The following STAT4 variants were observed in gnomAD, a reference collection of about 807,000 sequenced individuals.
STAT4 encodes signal transducer and activator of transcription 4.
Under a neutral mutation model 110.5 loss-of-function variants are expected in STAT4, and 42 were observed. The ratio of observed to expected loss-of-function variants is 0.38; its 90% CI spans 0.30 to 0.49. The LOEUF (loss-of-function observed/expected upper bound fraction) is 0.49. Among genes scored for constraint, STAT4 ranks in the 20% least tolerant of loss-of-function variants. The pLI is 0.95. For missense variants in STAT4, 632 were observed against 887.9 expected, an observed-to-expected ratio of 0.71 and a Z score of 3.66; for synonymous variants, 284 against 302.2, an observed-to-expected ratio of 0.94 and a Z score of 0.63.
chr2:191,067,843 A>C (rs954453922), intron 6 of STAT4, among the ~76,000 whole-genome samples: 2 of 152,176 alleles, frequency 1.3e-5, no homozygotes, highest in Admixed American at 1.3e-4. Context: ...ATTCATGTTC[A>C]TGAAAAATGG....
intron 3 of STAT4, among the ~76,000 whole-genome samples, chr2:191,087,321 C>T (rs1697660830): frequency 6.6e-6 from 1 of 152,100 alleles, no homozygotes; most frequent in African/African-American, 2.4e-5. Flanking sequence ...TGCGTGAAAC[C>T]TGTTTTAAGT....
At position 191,081,276 on chromosome 2, in the gene STAT4, A is replaced by G. The variant is rs546819429; in HGVS notation, c.274-4951T>C. 9.2e-5 allele frequency among the ~76,000 whole-genome samples: 14 copies of G among 152,264 alleles called. No homozygotes were observed. In the South Asian group the frequency reaches 1.2e-3, roughly 14 times the overall value. On this transcript the variant is annotated intron_variant, in intron 3 of 23. Coordinates refer to ENST00000392320, the MANE Select transcript of STAT4 (RefSeq NM_003151.4). The stretch of plus-strand genomic sequence containing the variant: ...TCTGGGTTGGTTCCAAGTCTTTGCT[A>G]TTGTGAACAGTGCCAAAATAAACAT...
chr2:191,034,746 A>G, intron 17 of STAT4, 149 bp from the exon 18 acceptor site: 1 of 596,504 alleles, frequency 1.7e-6, no homozygotes, highest in South Asian at 2.0e-5. Flanking sequence ...GGTACAGTAC[A>G]AATACAAGAC....
In STAT4 at chr2:191,110,104, C is replaced by T. The variant is rs768107447; in HGVS notation, c.274-33779G>A. On this transcript the variant is annotated intron_variant, in intron 3 of 23. Coordinates refer to ENST00000392320, the MANE Select transcript of STAT4 (RefSeq NM_003151.4). This position sits in a 1 kb window ranked among gnomAD's most constrained non-coding sequence, Gnocchi z 4.5. ...ACAGGGCCCTGCATCAGATGCTGGC[C>T]GCACAGCAGCCTCAACCACTTGAGG... is the stretch of plus-strand genomic sequence containing the variant. Among the ~76,000 whole-genome samples, 7 of 152,146 alleles carry T rather than the reference C, an allele frequency of 4.6e-5. No individual in the cohort carries two copies. Among genetic ancestry groups the T allele is most frequent in the Admixed American group, 1.3e-4 (2 of 15,288 alleles).
rs1695879464 is a variant in STAT4, at chr2:191,031,098, G to A, written c.2112-18C>T. On this transcript the variant is annotated intron_variant, in intron 22 of 23. Transcript: ENST00000392320. This position sits in a 1 kb window ranked among gnomAD's most constrained non-coding sequence, Gnocchi z 4.8. The stretch of plus-strand genomic sequence containing the variant: ...CACTTCGGCTTAAAGAGATAACAAG[G>A]TCAATATGGACAAGGATTAAAAAAT... The A allele has an allele frequency of 2.5e-6, 4 of 1,609,120 alleles. No individual in the cohort carries two copies. Among genetic ancestry groups the A allele is most frequent in the Non-Finnish European group, 3.4e-6 (4 of 1,175,648 alleles).
chr2:191,089,372 A>G (rs1697731166), intron 3 of STAT4, among the ~76,000 whole-genome samples: 1 of 152,224 alleles, frequency 6.6e-6, no homozygotes, highest in South Asian at 2.1e-4. Flanking sequence ...CAATGCATCT[A>G]TCAGAACAAT....
chr2:191,076,041 A>G, intron 4 of STAT4, 186 bp downstream of exon 4: 2 of 505,858 alleles, frequency 4.0e-6, no homozygotes, highest in South Asian at 3.2e-5. Flanking sequence ...TTTTTTGGAG[A>G]CAGGGTCTTG....
rs186618410 is a variant in STAT4 at position 191,047,023 on chromosome 2, G to A, written c.1252-5875C>T. Among the ~76,000 whole-genome samples the A allele has an allele frequency of 1.1e-4, 17 of 152,242 alleles. 1 individual carries two copies. In the East Asian group the frequency reaches 3.3e-3, roughly 29 times the overall value. On this transcript the variant is annotated intron_variant, in intron 14 of 23. Coordinates refer to ENST00000392320, the MANE Select transcript of STAT4 (RefSeq NM_003151.4). ...CCCTGACCTCTGGGAAGGGGAGAGG[G>A]ATTGAAAGTTGAATTCACCTACAAT...
intron 16 of STAT4, 108 bp from the exon 17 acceptor site, chr2:191,036,407 A>T: frequency 8.6e-7 from 1 of 1,159,260 alleles, no homozygotes; most frequent in Non-Finnish European, 1.2e-6. Context: ...ACATACTAGG[A>T]GTGTTGGGTG....
intron 3 of STAT4, chr2:191,131,800 C>T: frequency 5.9e-6 from 8 of 1,361,808 alleles, no homozygotes; most frequent in Non-Finnish European, 7.6e-6. Flanking sequence ...TCTGAATGTC[C>T]CAGGTGAAGA....
In STAT4 at chr2:191,117,842, G is replaced by T. The variant is rs866735975; in HGVS notation, c.273+28771C>A. On this transcript the variant is annotated intron_variant, in intron 3 of 23. Transcript: ENST00000392320. The surrounding 1 kb of genome is among the most constrained non-coding windows in gnomAD (Gnocchi z 5.2). ...AAATTCCACCTTTGACCTATTCAGT[G>T]AGAATTGGAAATGGGGGCTGGAAAT... Among the ~76,000 whole-genome samples, 2 of 150,026 alleles carry T rather than the reference G, an allele frequency of 1.3e-5. No homozygotes were observed. Among genetic ancestry groups the T allele is most frequent in the East Asian group, 2.0e-4 (1 of 5,052 alleles).
In STAT4 at chr2:191,146,767, A is replaced by C; in HGVS notation, c.129-10T>G. 1 of 1,538,336 alleles carries C rather than the reference A, an allele frequency of 6.5e-7. No individual in the cohort carries two copies. The highest frequency in any genetic ancestry group is 1.3e-5 in the South Asian group (1 of 78,506). On this transcript the variant is annotated splice_polypyrimidine_tract_variant and intron_variant, in intron 2 of 23. Transcript: ENST00000392320. The surrounding 1 kb of genome is among the most constrained non-coding windows in gnomAD (Gnocchi z 4.5). ...GTTAGAAGCTGCCTCCCTAAAAAAA[A>C]AAAGGATTATTACACAACAGAAAAC... is the stretch of plus-strand genomic sequence containing the variant.
chr2:191,151,315 C>G (rs890558918), upstream of STAT4: 24 of 985,458 alleles, frequency 2.4e-5, no homozygotes, highest in Non-Finnish European at 2.8e-5. This position sits in a 1 kb window ranked among gnomAD's most constrained non-coding sequence, Gnocchi z 4.7. Flanking sequence ...AATCTGAGAT[C>G]CTCTGCAGAG....
chr2:191,149,599 C>T (rs1017163660), intron 1 of STAT4, among the ~76,000 whole-genome samples: 14 of 152,046 alleles, frequency 9.2e-5, no homozygotes, highest in African/African-American at 3.1e-4. Context: ...ATCAAATAGG[C>T]GAAATGACGC....
chr2:191,099,864 G>T lies in STAT4; in HGVS notation c.274-23539C>A, dbSNP rs1194134857. 6.6e-6 allele frequency among the ~76,000 whole-genome samples: 1 copy of T among 152,130 alleles called. No individual in the cohort carries two copies. Among genetic ancestry groups the T allele is most frequent in the Non-Finnish European group, 1.5e-5 (1 of 68,012 alleles). ...ATCTACTTTATGGAAAATTACATGA[G>T]TGTGTATGCAGTAAAAGTATGAAAA... On this transcript the variant is annotated intron_variant, in intron 3 of 23. Transcript: ENST00000392320. This position sits in a 1 kb window ranked among gnomAD's most constrained non-coding sequence, Gnocchi z 4.1.
intron 3 of STAT4, among the ~76,000 whole-genome samples, chr2:191,095,795 C>CA (rs1396339822): frequency 4.0e-5 from 6 of 151,878 alleles, no homozygotes; most frequent in Admixed American, 1.3e-4. Flanking sequence ...GAGACACACA[C>CA]AAAAAAATCC....
rs1334456988 is a variant in STAT4 at position 191,090,055 on chromosome 2, T to C, written c.274-13730A>G. 6.6e-6 allele frequency among the ~76,000 whole-genome samples: 1 copy of C among 152,134 alleles called. No individual in the cohort carries two copies. The highest frequency in any genetic ancestry group is 2.4e-5 in the African/African-American group (1 of 41,438). On this transcript the variant is annotated intron_variant, in intron 3 of 23. Transcript: ENST00000392320. The surrounding 1 kb of genome is among the most constrained non-coding windows in gnomAD (Gnocchi z 4.2). ...AGCCCTAATGTAAATTATGGGACTT[T>C]AGTTAATAATAATATAATATTGTAA...
Position 191,053,364 on chromosome 2 carries a change from T to C in STAT4, c.1251+1126A>G, listed in dbSNP as rs372027452. 2.1e-4 allele frequency among the ~76,000 whole-genome samples: 32 copies of C among 152,214 alleles called. No homozygotes were observed. Among genetic ancestry groups the C allele is most frequent in the East Asian group, 7.7e-4 (4 of 5,198 alleles). On this transcript the variant is annotated intron_variant, in intron 14 of 23. Transcript: ENST00000392320. The surrounding 1 kb of genome is among the most constrained non-coding windows in gnomAD (Gnocchi z 4.5). ...AGGAAAAAAATGCAGTATTTCCTCA[T>C]CAGTTCATTTGCCAAACGTCACATT...
In STAT4 at chr2:191,035,373, T is replaced by C. The variant is rs1409739641; in HGVS notation, c.1571-776A>G. ...AGGTACCTATTGATCCAAGAGTAGA[T>C]GCAAGTGGCAAGCATCCCAGCACCA... On this transcript the variant is annotated intron_variant, in intron 17 of 23. Coordinates refer to ENST00000392320, the MANE Select transcript of STAT4 (RefSeq NM_003151.4). This position sits in a 1 kb window ranked among gnomAD's most constrained non-coding sequence, Gnocchi z 4.7. Among the ~76,000 whole-genome samples, 2 of 152,250 alleles carry C rather than the reference T, an allele frequency of 1.3e-5. No individual in the cohort carries two copies. Among genetic ancestry groups the C allele is most frequent in the Non-Finnish European group, 2.9e-5 (2 of 68,046 alleles).
Sources: gnomAD v4.1 joint callset for allele counts (sites outside exome capture counted in the v4.1 genomes callset) on GRCh38, gnomAD v4.1.1 for gene constraint, Gnocchi (gnomAD v3.1) non-coding constraint, MANE v1.5 for transcripts, NCBI Gene and HGNC (gene_info 2026-07-23, HGNC 2026-07-21) for gene names.